The following ST6GALNAC1 variants were observed in gnomAD, a reference collection of about 807,000 sequenced individuals.
ST6GALNAC1 encodes the protein alpha-N-acetylgalactosaminide alpha-2,6-sialyltransferase 1.
Under a neutral mutation model 56.8 loss-of-function variants are expected in ST6GALNAC1, and 45 were observed. The observed-to-expected ratio is 0.79, with a 90% CI of 0.62 to 1.02. The LOEUF (loss-of-function observed/expected upper bound fraction) is 1.02, where lower values mean the gene tolerates loss of function less well. Ranked by LOEUF, ST6GALNAC1 falls within the 50% of genes least tolerant of loss-of-function variation. ST6GALNAC1 has a pLI of 0.00. For missense variants in ST6GALNAC1, 743 were observed against 754.8 expected, an observed-to-expected ratio of 0.98 and a Z score of 0.18; for synonymous variants, 295 against 297.8, an observed-to-expected ratio of 0.99 and a Z score of 0.10.
At position 76,643,623 on chromosome 17, in the gene ST6GALNAC1, A is replaced by T. The variant is rs1567965143; in HGVS notation, c.16T>A (p.Trp6Arg). MRSCLWRCRHLSQGVQ... is the reference protein window; with the variant it reads MRSCLRRCRHLSQGVQ... The stretch of plus-strand genomic sequence containing the variant: ...CCTTGGCTCAGGTGCCTGCATCTCC[A>T]CAGGCAGGACCTCATGGTGGTGGGT... Residue 6 changes from tryptophan to arginine, a missense_variant, in exon 1 of 9, where the codon TGG (tryptophan) becomes AGG (arginine). Transcript: ENST00000156626. 7.4e-6 allele frequency: 12 copies of T among 1,613,860 alleles called. No homozygotes were observed. The highest frequency in any genetic ancestry group is 1.0e-5 in the Non-Finnish European group (12 of 1,179,886).
chr17:76,619,740 G>GTTTT, the ST6GALNAC1 span, among the ~76,000 whole-genome samples: 191 of 101,566 alleles, frequency 1.9e-3, 5 homozygotes, highest in East Asian at 1.0e-2. Flanking sequence ...AATAATGTTA[G>GTTTT]TTTTTTTTTT....
chr17:76,632,135 T>A (rs2075910996), intron 1 of ST6GALNAC1, among the ~76,000 whole-genome samples: 1 of 151,982 alleles, frequency 6.6e-6, no homozygotes, highest in Non-Finnish European at 1.5e-5. Flanking sequence ...CAGCAAAGCC[T>A]CTTGGTGGAT....
rs768320545 is a variant in ST6GALNAC1, at chr17:76,643,534, A to G, written c.105T>C (p.Ile35=). 6 of 1,614,082 alleles carry G rather than the reference A, an allele frequency of 3.7e-6. No individual in the cohort carries two copies. The highest frequency in any genetic ancestry group is 4.2e-6 in the Non-Finnish European group (5 of 1,179,966). The change falls in exon 1 of 9, where the codon ATT becomes ATC. Residue 35 remains isoleucine, a synonymous_variant. Transcript: ENST00000156626. The stretch of plus-strand genomic sequence containing the variant: ...TGGAAGGCTTTGTTTGAGGCTCCTT[A>G]ATAAAAGAGGGCAAGGCGAAGAGAA... ...VFFLFALPSF[I]KEPQTKPSRH... is the part of the protein sequence containing the mutation.
chr17:76,629,483 C>CTG lies in ST6GALNAC1; in HGVS notation c.358_359dup (p.Gln120HisfsTer16). 1.2e-6 allele frequency: 2 copies of CTG among 1,614,150 alleles called. No individual in the cohort carries two copies. Among genetic ancestry groups the CTG allele is most frequent in the Non-Finnish European group, 1.7e-6 (2 of 1,180,026 alleles). On this transcript the variant is annotated frameshift_variant, in exon 2 of 9. Transcript: ENST00000156626. LOFTEE classifies it high-confidence loss of function. ...TTTCTGGGCTCTTCCATGCTGCCCT[C>CTG]TGTGCTGTGTGGGGCACCTTGTCCT... is the stretch of plus-strand genomic sequence containing the variant.
intron 1 of ST6GALNAC1, chr17:76,637,871 G>A (rs1015581012): frequency 2.3e-5 from 9 of 390,436 alleles, no homozygotes; most frequent in Non-Finnish European, 3.6e-5. Context: ...TCACTCTGTC[G>A]TCCAGGCTAG....
Position 76,627,863 on chromosome 17 carries a change from C to G in ST6GALNAC1, c.832-280G>C, listed in dbSNP as rs570398019. Among the ~76,000 whole-genome samples the G allele has an allele frequency of 6.6e-6, 1 of 151,910 alleles. No individual in the cohort carries two copies. The highest frequency in any genetic ancestry group is 1.5e-5 in the Non-Finnish European group (1 of 67,982). ...CTGTAATCCTAGCACTTTGGGAGGC[C>G]GAGGCGGGTGGATCACAAGGTCAGG... On this transcript the variant is annotated intron_variant, in intron 2 of 8. Coordinates refer to ENST00000156626, the MANE Select transcript of ST6GALNAC1 (RefSeq NM_018414.5). The surrounding 1 kb of genome is among the most constrained non-coding windows in gnomAD (Gnocchi z 4.4).
rs764880734 is a variant in ST6GALNAC1, at chr17:76,626,341, C to T, written c.1363G>A (p.Glu455Lys). ...LEGTRDYEWL[E>K]ALLMNQTVMS... The stretch of plus-strand genomic sequence containing the variant: ...ACCGTCTGATTCATAAGCAGTGCTT[C>T]CAGCCACTCATAGTCCCGGGTGCCT... Residue 455 changes from glutamate (E) to lysine (K), a missense_variant, in exon 6 of 9, where the codon GAA (glutamate) becomes AAA (lysine). Physicochemically the swap from Glu to Lys is moderately conservative, Grantham distance 56. Coordinates refer to ENST00000156626, the MANE Select transcript of ST6GALNAC1 (RefSeq NM_018414.5). 4 of 1,614,080 alleles carry T rather than the reference C, an allele frequency of 2.5e-6. No homozygotes were observed. The Admixed American group carries it at 6.7e-5, about 27-fold the overall frequency.
intron 4 of ST6GALNAC1, 69 bp downstream of exon 4, chr17:76,626,998 A>AGGGGCTGGAGG (rs528306985): frequency 5.2e-6 from 5 of 969,244 alleles, no homozygotes; most frequent in African/African-American, 8.4e-5. Flanking sequence ...GGGGCAAGAG[A>AGGGGCTGGAGG]GGGGCTGGAG....
At chr17:76,629,861 C>A in intron 1 of ST6GALNAC1, 150 bp from the exon 2 acceptor site, 1 of 620,382 alleles carries the variant, frequency 1.6e-6, no homozygotes, top group South Asian at 2.1e-5. Flanking sequence ...CAGCTCACTG[C>A]AACCTCCATC....
chr17:76,636,882 A>G lies in ST6GALNAC1; in HGVS notation c.131+6626T>C, dbSNP rs1250268272. ...GATCAGATTGTTACTGTGTCTGTGT[A>G]GAAAGAAGTAGACATAGGAGACTCC... On this transcript the variant is annotated intron_variant, in intron 1 of 8. Coordinates refer to ENST00000156626, the MANE Select transcript of ST6GALNAC1 (RefSeq NM_018414.5). Among the ~76,000 whole-genome samples the G allele has an allele frequency of 3.3e-5, 5 of 152,226 alleles. No homozygotes were observed. The East Asian group carries it at 7.7e-4, about 23-fold the overall frequency.
intron 1 of ST6GALNAC1, among the ~76,000 whole-genome samples, chr17:76,633,116 C>T (rs745606811): frequency 2.6e-5 from 4 of 151,564 alleles, no homozygotes; most frequent in South Asian, 2.1e-4. Context: ...GGCTGAGGCA[C>T]GAGAGTTGCT....
At chr17:76,643,104 G>A (rs2076070592) in intron 1 of ST6GALNAC1, among the ~76,000 whole-genome samples, 1 of 152,172 alleles carries the variant, frequency 6.6e-6, no homozygotes, top group African/African-American at 2.4e-5. Context: ...TCTGAAACAA[G>A]TGGAACACAC....
chr17:76,631,400 C>T (rs1163040861), intron 1 of ST6GALNAC1, among the ~76,000 whole-genome samples: 2 of 152,122 alleles, frequency 1.3e-5, no homozygotes, highest in African/African-American at 4.8e-5. Flanking sequence ...CCCGAAAAGG[C>T]TAATGGGCTT....
Position 76,629,208 on chromosome 17 carries a change from G to C in ST6GALNAC1, c.635C>G (p.Thr212Arg). The C allele has an allele frequency of 6.2e-7, 1 of 1,614,146 alleles. No individual in the cohort carries two copies. The highest frequency in any genetic ancestry group is 8.5e-7 in the Non-Finnish European group (1 of 1,180,028). The change falls in exon 2 of 9, where the codon ACA becomes AGA. Residue 212 changes from threonine to arginine, a missense_variant. Physicochemically the swap from Thr to Arg is moderately conservative, Grantham distance 71. Coordinates refer to ENST00000156626, the MANE Select transcript of ST6GALNAC1 (RefSeq NM_018414.5). Reference sequence around the variant, plus strand: ...GGTCACTCCTTTCTGTCTCGTCCTTGTTGACACTGCTCCTGTGGGAGCCAG... The same window carrying C: ...GGTCACTCCTTTCTGTCTCGTCCTTCTTGACACTGCTCCTGTGGGAGCCAG... ...RMLAPTGAVS[T>R]RTRQKGVTTA...
chr17:76,629,112 G>A lies in ST6GALNAC1; in HGVS notation c.731C>T (p.Thr244Met), dbSNP rs754834765. ...CTTCAGTCTTTGGTTTCTCTGCGTC[G>A]TGGGGCTCTGGAAAGGGGCAGGGGG... is the stretch of plus-strand genomic sequence containing the variant. Reference protein sequence around the residue: ...TPPPAPFQSPTTQRNQRLKAA... With the variant: ...TPPPAPFQSPMTQRNQRLKAA... The change falls in exon 2 of 9, where the codon ACG (threonine) becomes ATG (methionine). Residue 244 changes from threonine to methionine, a missense_variant. Physicochemically the swap from Thr to Met is moderately conservative, Grantham distance 81 (BLOSUM62 -1). Transcript: ENST00000156626. The A allele has an allele frequency of 6.1e-5, 98 of 1,609,184 alleles. No homozygotes were observed. Among genetic ancestry groups the A allele is most frequent in the Middle Eastern group, 1.7e-4 (1 of 6,058 alleles).
downstream of ST6GALNAC1, among the ~76,000 whole-genome samples, chr17:76,620,250 G>A (rs1315560479): frequency 6.6e-6 from 1 of 151,534 alleles, no homozygotes; most frequent in Non-Finnish European, 1.5e-5. Flanking sequence ...GTGTTGGTCA[G>A]GCTGGTCTTG....
chr17:76,635,190 T>C (rs957513334), intron 1 of ST6GALNAC1, among the ~76,000 whole-genome samples: 1 of 152,200 alleles, frequency 6.6e-6, no homozygotes, highest in Non-Finnish European at 1.5e-5. Context: ...TATTATGTTC[T>C]GGGACTCGAG....
In ST6GALNAC1 at chr17:76,625,522, A is replaced by G. The variant is rs771434024; in HGVS notation, c.1611T>C (p.Ser537=). The part of the protein sequence containing the change: ...LTALQLCDQV[S]AYGFITEGHE... ...GGCCCTCAGTGATGAAGCCATAAGC[A>G]CTCACCTACATCACGGTTGGAGGAG... is the stretch of plus-strand genomic sequence containing the variant. The change falls in exon 9 of 9, where the codon AGT becomes AGC. Residue 537 remains serine, a synonymous_variant. Coordinates refer to ENST00000156626, the MANE Select transcript of ST6GALNAC1 (RefSeq NM_018414.5). 21 of 1,613,586 alleles carry G rather than the reference A, an allele frequency of 1.3e-5. No individual in the cohort carries two copies. The African/African-American group carries it at 2.4e-4, about 18-fold the overall frequency.
chr17:76,628,881 T>C (rs971976221), intron 2 of ST6GALNAC1, 131 bp downstream of exon 2: 6 of 824,236 alleles, frequency 7.3e-6, no homozygotes, highest in African/African-American at 3.4e-5. Context: ...TGCCTCATAA[T>C]GAGCTTGGGG....
Sources: gnomAD v4.1 joint callset for allele counts (sites outside exome capture counted in the v4.1 genomes callset) on GRCh38, gnomAD v4.1.1 for gene constraint, Gnocchi (gnomAD v3.1) non-coding constraint, MANE v1.5 for transcripts, NCBI Gene and HGNC (gene_info 2026-07-23, HGNC 2026-07-21) for gene names.